Variants in POLR1A observed in about 807,000 individuals in gnomAD.
The protein encoded by POLR1A is RNA polymerase I subunit A, also known as DNA-directed RNA polymerase I subunit RPA1.
Under a neutral mutation model 205.3 loss-of-function variants are expected in POLR1A, and 84 were observed. The ratio of observed to expected loss-of-function variants is 0.41; its 90% confidence interval spans 0.34 to 0.49. The LOEUF is 0.49. POLR1A is among the 20% of genes least tolerant of loss of function. POLR1A has a pLI of 0.22. For synonymous variants in POLR1A, 799 were observed against 863.7 expected, an observed-to-expected ratio of 0.93 and a Z score of 1.31; for missense variants, 1,645 against 2,204.5, an observed-to-expected ratio of 0.75 and a Z score of 5.08.
At chr2:86,094,591 G>A (rs1673673097) in intron 3 of POLR1A, among the ~76,000 whole-genome samples, 1 of 152,196 alleles carries the variant, frequency 6.6e-6, no homozygotes, top group Non-Finnish European at 1.5e-5. Context: ...ACTCCTCTGA[G>A]CCCTTTCAGG....
intron 33 of POLR1A, 23 bp downstream of exon 33, chr2:86,027,862 A>G (rs771169111): frequency 6.2e-7 from 1 of 1,613,472 alleles, no homozygotes; most frequent in Non-Finnish European, 8.5e-7. Flanking sequence ...AGGGGAGGCC[A>G]GGGCTCCTGC....
intron 14 of POLR1A, among the ~76,000 whole-genome samples, chr2:86,057,379 C>T (rs1325426160): frequency 1.3e-5 from 2 of 152,160 alleles, no homozygotes; most frequent in African/African-American, 4.8e-5. Context: ...AAATAACACA[C>T]CTGATTTGAA....
At chr2:86,032,188 C>G (rs1672410443) in intron 29 of POLR1A, 84 bp downstream of exon 29, 1 of 934,102 alleles carries the variant, frequency 1.1e-6, no homozygotes, top group Non-Finnish European at 1.8e-6. Context: ...GAGGTGTGGC[C>G]TGGGTGCCGG....
chr2:86,083,117 G>A lies in POLR1A; in HGVS notation c.782C>T (p.Ala261Val), dbSNP rs1211426026. The A allele has an allele frequency of 1.2e-6, 2 of 1,613,982 alleles. No individual in the cohort carries two copies. The highest frequency in any genetic ancestry group is 1.7e-6 in the Non-Finnish European group (2 of 1,179,850). Reference sequence around the variant, plus strand: ...CCACAGGGCAGAAAGGTGTTCGCGGGCACTGGTGGGTGTTAAGTATCCTCG... The same window carrying A: ...CCACAGGGCAGAAAGGTGTTCGCGGACACTGGTGGGTGTTAAGTATCCTCG... ...GKRGYLTPTS[A>V]REHLSALWKN... Residue 261 changes from alanine to valine, a missense_variant, in exon 7 of 34, where the codon GCC becomes GTC. Physicochemically the swap from Ala to Val is moderately conservative, Grantham distance 64. Transcript: ENST00000263857.
At chr2:86,066,181 G>C (rs1181868607) in intron 13 of POLR1A, among the ~76,000 whole-genome samples, 1 of 152,206 alleles carries the variant, frequency 6.6e-6, no homozygotes, top group Non-Finnish European at 1.5e-5. Flanking sequence ...CCAGTGTTGG[G>C]AGGAAGGGGT....
At chr2:86,084,199 G>A (rs1015982099) in intron 6 of POLR1A, among the ~76,000 whole-genome samples, 1 of 152,162 alleles carries the variant, frequency 6.6e-6, no homozygotes, top group African/African-American at 2.4e-5. Context: ...CCAGGAGGCG[G>A]AGCTTGCAGT....
rs1672638775 is a variant in POLR1A at position 86,042,860 on chromosome 2, A to C, written c.3357+114T>G. 1.0e-5 allele frequency: 8 copies of C among 778,094 alleles called. No individual in the cohort carries two copies. The South Asian group carries it at 1.3e-4, about 12-fold the overall frequency. 48.2% of individuals were successfully genotyped at this position (778,094 alleles called of 1,614,324 possible). ...AGCCATTCTGTTCTGACTGACGGTG[A>C]ACAAAGCTGGAGTTCATGATTCTAC... On this transcript the variant is annotated intron_variant, in intron 23 of 33. Coordinates refer to ENST00000263857, the MANE Select transcript of POLR1A (RefSeq NM_015425.6).
intron 14 of POLR1A, among the ~76,000 whole-genome samples, chr2:86,058,164 G>A (rs751508583): frequency 2.0e-5 from 3 of 152,126 alleles, no homozygotes; most frequent in African/African-American, 4.8e-5. Flanking sequence ...GCAATGGCAC[G>A]ATCTTGGCTC....
chr2:86,031,473 G>A lies in POLR1A; in HGVS notation c.4435C>T (p.Leu1479Phe), dbSNP rs1455104185. 1.2e-6 allele frequency: 2 copies of A among 1,614,216 alleles called. No homozygotes were observed. Among genetic ancestry groups the A allele is most frequent in the South Asian group, 1.1e-5 (1 of 91,084 alleles). The change falls in exon 30 of 34, where the codon CTC (leucine) becomes TTC (phenylalanine). Residue 1479 changes from leucine to phenylalanine, a missense_variant. Physicochemically the swap from Leu to Phe is conservative, Grantham distance 22 (BLOSUM62 0). Coordinates refer to ENST00000263857, the MANE Select transcript of POLR1A (RefSeq NM_015425.6). ...GTGGGTTTCCGGGGCTGCGTCAGGA[G>A]GGCGGGAAGGGACGGGTCCTCCTCA... ...GTEEDPSLPALLTQPRKPTHS... is the reference protein window; with the variant it reads ...GTEEDPSLPAFLTQPRKPTHS...
chr2:86,092,806 C>G (rs1673632405), intron 3 of POLR1A, among the ~76,000 whole-genome samples: 1 of 152,124 alleles, frequency 6.6e-6, no homozygotes, highest in African/African-American at 2.4e-5. Context: ...GCTTGGGCAA[C>G]AGAGTGAGAC....
At chr2:86,062,759 T>G (rs775223730) in intron 14 of POLR1A, among the ~76,000 whole-genome samples, 2 of 152,052 alleles carry the variant, frequency 1.3e-5, no homozygotes, top group African/African-American at 2.4e-5. Flanking sequence ...ACCAAAGACT[T>G]TTTTTTGAGA....
chr2:86,089,025 T>C (rs577853784), intron 4 of POLR1A, among the ~76,000 whole-genome samples, 155 bp from the exon 5 acceptor site: 16 of 152,366 alleles, frequency 1.1e-4, no homozygotes, highest in African/African-American at 3.4e-4. Context: ...CCTAATACAC[T>C]TGAGCTCTGA....
chr2:86,078,090 A>G (rs960110142), intron 10 of POLR1A, 24 bp downstream of exon 10: 10 of 1,612,760 alleles, frequency 6.2e-6, no homozygotes, highest in Non-Finnish European at 1.7e-6. Flanking sequence ...GTAGCTAGCA[A>G]TGGGAATCCA....
rs888174827 is a variant in POLR1A at position 86,099,910 on chromosome 2, C to G, written c.282+58G>C. The G allele has an allele frequency of 2.2e-5, 31 of 1,386,562 alleles. No homozygotes were observed. The African/African-American group carries it at 4.4e-4, about 20-fold the overall frequency. 85.9% of individuals were successfully genotyped at this position (1,386,562 alleles called of 1,614,324 possible). ...TTAGACCACTCTTGTGGGAGAGAGGCAGCACTCACAAATCCCACCAGCAGC... is the reference window on the plus strand; with the variant it reads ...TTAGACCACTCTTGTGGGAGAGAGGGAGCACTCACAAATCCCACCAGCAGC... On this transcript the variant is annotated intron_variant, in intron 2 of 33. Transcript: ENST00000263857.
chr2:86,079,038 G>A (rs1471278560), intron 9 of POLR1A, among the ~76,000 whole-genome samples: 5 of 152,064 alleles, frequency 3.3e-5, no homozygotes, highest in East Asian at 3.9e-4. Flanking sequence ...ATGGTCCCAC[G>A]TCTTCCAGTG....
At position 86,039,872 on chromosome 2, in the gene POLR1A, C is replaced by T. The variant is rs994160100; in HGVS notation, c.3741-410G>A. On this transcript the variant is annotated intron_variant, in intron 25 of 33. Coordinates refer to ENST00000263857, the MANE Select transcript of POLR1A (RefSeq NM_015425.6). ...CAGCCTCTGGCCTTCCACAGAAGGA[C>T]CCCCTGAGGTTTGGAAAGTGAGGTA... The T allele has an allele frequency of 1.4e-5, 3 of 222,180 alleles. No homozygotes were observed. The Admixed American group carries it at 1.6e-4, about 12-fold the overall frequency. 13.8% of individuals were successfully genotyped at this position (222,180 alleles called of 1,614,324 possible). A position where few individuals can be genotyped will look rare whatever the true frequency, so the allele number is the denominator to read the frequency against.
chr2:86,031,874 A>G (rs1399539406), intron 29 of POLR1A, among the ~76,000 whole-genome samples: 1 of 152,140 alleles, frequency 6.6e-6, no homozygotes, highest in Non-Finnish European at 1.5e-5. Flanking sequence ...ACCCTCACTC[A>G]GCCCTCACTG....
chr2:86,062,060 T>C (rs1472678219), intron 14 of POLR1A, among the ~76,000 whole-genome samples: 1 of 152,198 alleles, frequency 6.6e-6, no homozygotes, highest in Non-Finnish European at 1.5e-5. Context: ...CTGTATGAAA[T>C]GACCTGGAGA....
Position 86,070,975 on chromosome 2 carries a change from G to A in POLR1A, c.1612-703C>T, listed in dbSNP as rs311576. Among the ~76,000 whole-genome samples the A allele has an allele frequency of 0.31, 46,353 of 151,690 alleles. 8,430 individuals carry two copies. Among genetic ancestry groups the A allele is most frequent in the East Asian group, 0.53 (2,727 of 5,140 alleles). On this transcript the variant is annotated intron_variant, in intron 12 of 33. Transcript: ENST00000263857. The surrounding 1 kb of genome is among the most constrained non-coding windows in gnomAD (Gnocchi z 4.4). The stretch of plus-strand genomic sequence containing the variant: ...CACCCACACAAGGTTAGATGAGTAT[G>A]TATGTTTGTGTAGCAGCATTTACAG...
Sources: gnomAD v4.1 joint callset for allele counts (sites outside exome capture counted in the v4.1 genomes callset) on GRCh38, gnomAD v4.1.1 for gene constraint, Gnocchi (gnomAD v3.1) non-coding constraint, MANE v1.5 for transcripts, NCBI Gene and HGNC (gene_info 2026-07-23, HGNC 2026-07-21) for gene names.